SYNPO: variants seen among roughly 807,000 people sequenced by gnomAD.
SYNPO encodes synaptopodin.
SYNPO carries 19 observed loss-of-function variants against 49.5 expected under a neutral mutation model. The observed-to-expected ratio is 0.38, with a 90% CI of 0.27 to 0.56. SYNPO has a LOEUF of 0.56. Ranked by LOEUF, SYNPO falls within the 20% of genes least tolerant of loss-of-function variation. The probability of loss-of-function intolerance (pLI) is 0.68; values close to 1 mark genes in which losing one functional copy is unlikely to be tolerated. For synonymous variants in SYNPO, 536 were observed against 548.0 expected (o/e 0.98, Z 0.31); for missense variants, 1,131 against 1,248.3 (o/e 0.91, Z 1.42).
At position 150,649,027 on chromosome 5, in the gene SYNPO, C is replaced by T. The variant is rs754570311; in HGVS notation, c.752C>T (p.Thr251Ile). The T allele has an allele frequency of 1.2e-6, 2 of 1,614,184 alleles. No individual in the cohort carries two copies. The highest frequency in any genetic ancestry group is 1.3e-5 in the African/African-American group (1 of 75,036). Residue 251 changes from threonine to isoleucine, a missense_variant, in exon 2 of 3, where the codon ACC becomes ATC. By Grantham distance (89) the Thr-to-Ile change is moderately conservative. Coordinates refer to ENST00000307662, the MANE Select transcript of SYNPO (RefSeq NM_007286.6). ...TTTGGGATCCAGGCGCCAGGGGGCA[C>T]CAGCCAGATGGAGAGGAGCCCCATG... is the stretch of plus-strand genomic sequence containing the variant. ...RPFGIQAPGG[T>I]SQMERSPMLE...
intron 2 of SYNPO, among the ~76,000 whole-genome samples, chr5:150,628,028 GTGTGTTTC>G (rs1260418635): frequency 8.7e-5 from 11 of 125,968 alleles, no homozygotes; most frequent in African/African-American, 3.6e-4. Flanking sequence ...TTCTGTGTGT[GTGTGTTTC>G]TGTGTGTGTG....
chr5:150,652,930 A>G (rs754809176), intron 2 of SYNPO: 2 of 152,158 alleles, frequency 1.3e-5, no homozygotes, highest in African/African-American at 2.4e-5. Flanking sequence ...AACCTCTTCC[A>G]ATCTCTGGGC....
chr5:150,625,600 G>T (rs1757329504), intron 2 of SYNPO, among the ~76,000 whole-genome samples: 1 of 152,204 alleles, frequency 6.6e-6, no homozygotes, highest in Admixed American at 6.5e-5. Context: ...TGCCCTCCTT[G>T]CCAAGGTGAG....
intron 2 of SYNPO, among the ~76,000 whole-genome samples, chr5:150,654,918 G>C (rs1369151458): frequency 6.6e-6 from 1 of 152,198 alleles, no homozygotes; most frequent in Admixed American, 6.5e-5. Context: ...CTGAGGTCAG[G>C]AGTTCGAGAC....
rs1758644082 is a variant in SYNPO at position 150,658,266 on chromosome 5, C to G, written c.*1179C>G. 6.6e-6 allele frequency: 1 copy of G among 152,264 alleles called. No individual in the cohort carries two copies. The highest frequency in any genetic ancestry group is 2.4e-5 in the African/African-American group (1 of 41,398). The allele number at this position is 152,264 out of a possible 1,614,324, so 9.4% of individuals were successfully genotyped here. A position where few individuals can be genotyped will look rare whatever the true frequency, so the allele number is the denominator to read the frequency against. On this transcript the variant is annotated 3_prime_UTR_variant, in exon 3 of 3. Transcript: ENST00000307662. ...ATTTAGGGGCCGATGAGCTTGGGTACGTGAGCAGGGTGTTAAGTTAGGGTC... is the reference window on the plus strand; with the variant it reads ...ATTTAGGGGCCGATGAGCTTGGGTAGGTGAGCAGGGTGTTAAGTTAGGGTC...
intron 1 of SYNPO, among the ~76,000 whole-genome samples, chr5:150,611,513 C>T (rs1375479283): frequency 1.3e-5 from 2 of 152,216 alleles, no homozygotes; most frequent in African/African-American, 2.4e-5. Context: ...ACCACTACCT[C>T]GTGCCAAGGG....
At chr5:150,609,552 C>T (rs575942692) in intron 1 of SYNPO, among the ~76,000 whole-genome samples, 7 of 152,372 alleles carry the variant, frequency 4.6e-5, no homozygotes, top group African/African-American at 1.4e-4. Context: ...ACCTCGCCCT[C>T]CCAAAATGCT....
chr5:150,592,021 T>G, the SYNPO span, among the ~76,000 whole-genome samples: 4 of 152,096 alleles, frequency 2.6e-5, no homozygotes, highest in East Asian at 7.7e-4. Flanking sequence ...CAAAATTGGC[T>G]GGGCATGGTG....
intron 2 of SYNPO, chr5:150,618,801 G>A: frequency 6.5e-7 from 1 of 1,550,278 alleles, no homozygotes. Context: ...TGGACTACCA[G>A]AGTCACTGGA....
chr5:150,586,487 T>C, the SYNPO span, among the ~76,000 whole-genome samples: 1 of 152,156 alleles, frequency 6.6e-6, no homozygotes. Context: ...AACTCCAGAA[T>C]AGCACTTCAA....
upstream of SYNPO, among the ~76,000 whole-genome samples, chr5:150,598,966 G>A (rs544725426): frequency 5.9e-5 from 9 of 152,322 alleles, no homozygotes; most frequent in East Asian, 1.5e-3. Context: ...ATATGGCCGG[G>A]GGACCTGCTG....
At chr5:150,595,099 T>A in the SYNPO span, among the ~76,000 whole-genome samples, 1 of 152,202 alleles carries the variant, frequency 6.6e-6, no homozygotes, top group African/African-American at 2.4e-5. Flanking sequence ...TTGCAAGACT[T>A]CTCAGGTGGA....
chr5:150,650,787 GC>G (rs1177806164), intron 2 of SYNPO: 21 of 1,288,038 alleles, frequency 1.6e-5, no homozygotes, highest in Non-Finnish European at 2.0e-5. Context: ...CCCCAGGGGG[GC>G]CTCCCTCCTG....
intron 2 of SYNPO, among the ~76,000 whole-genome samples, chr5:150,619,321 G>A (rs2151368670): frequency 6.6e-6 from 1 of 152,248 alleles, no homozygotes; most frequent in Admixed American, 6.5e-5. Flanking sequence ...GACAGCTAGA[G>A]GTCACTCAGC....
upstream of SYNPO, chr5:150,601,032 C>G (rs1212536657): frequency 6.6e-6 from 1 of 152,172 alleles, no homozygotes. Flanking sequence ...TCCCGCCCGC[C>G]CCCCTGACAC....
At chr5:150,598,267 T>C (rs1428770452), upstream of SYNPO, among the ~76,000 whole-genome samples, 1 of 152,122 alleles carries the variant, frequency 6.6e-6, no homozygotes, top group African/African-American at 2.4e-5. Flanking sequence ...TGCTCAGCCC[T>C]GCTGCAGGGG....
intron 1 of SYNPO, among the ~76,000 whole-genome samples, chr5:150,645,990 G>T (rs1758075569): frequency 6.6e-6 from 1 of 152,166 alleles, no homozygotes; most frequent in Non-Finnish European, 1.5e-5. Context: ...GTGATACAGA[G>T]TAATCAGGGA....
At chr5:150,645,488 G>A (rs1344549414) in intron 1 of SYNPO, among the ~76,000 whole-genome samples, 1 of 152,230 alleles carries the variant, frequency 6.6e-6, no homozygotes, top group Non-Finnish European at 1.5e-5. Context: ...AGCATCAACT[G>A]TGTGCCAGCT....
At chr5:150,618,530 C>T in exon 2 of SYNPO, 1 of 1,550,974 alleles carries the variant, frequency 6.4e-7, no homozygotes. Flanking sequence ...GCCTACCGAC[C>T]TGGAAGAGGA....
Sources: gnomAD v4.1 joint callset for allele counts (sites outside exome capture counted in the v4.1 genomes callset) on GRCh38, gnomAD v4.1.1 for gene constraint, MANE v1.5 for transcripts, NCBI Gene and HGNC (gene_info 2026-07-23, HGNC 2026-07-21) for gene names.